The following KDM3B variants were observed in gnomAD, a reference collection of about 807,000 sequenced individuals.
KDM3B encodes the protein lysine demethylase 3B.
In KDM3B, 10 loss-of-function variants were observed where a neutral mutation model predicts 170.0. That is an observed-to-expected ratio of 0.06 (90% CI 0.04 to 0.10). KDM3B has a LOEUF of 0.10. KDM3B is among the 10% of genes least tolerant of loss of function. KDM3B has a pLI of 1.00. For synonymous variants in KDM3B, 831 were observed against 834.8 expected (o/e 1.00, Z 0.08); for missense variants, 1,394 against 2,195.2 (o/e 0.64, Z 7.29).
Position 138,420,586 on chromosome 5 carries a change from G to A in KDM3B, c.3716-120G>A. 3 of 1,074,656 alleles carry A rather than the reference G, an allele frequency of 2.8e-6. No individual in the cohort carries two copies. The South Asian group carries it at 4.3e-5, about 15-fold the overall frequency. 66.6% of individuals were successfully genotyped at this position (1,074,656 alleles called of 1,614,324 possible). ...ACCCAAACAAACCATACACAGTTTG[G>A]GGGGTGCAAGGGAAAGGAGAGAATC... On this transcript the variant is annotated intron_variant, in intron 14 of 23. Coordinates refer to ENST00000314358, the MANE Select transcript of KDM3B (RefSeq NM_016604.4).
At chr5:138,403,937 A>C (rs1426386585) in intron 11 of KDM3B, among the ~76,000 whole-genome samples, 1 of 152,022 alleles carries the variant, frequency 6.6e-6, no homozygotes, top group Non-Finnish European at 1.5e-5. Context: ...AAGATATATA[A>C]AAGCCCAAAT....
At chr5:138,377,654 C>T (rs565154621) in intron 3 of KDM3B, 66 bp from the exon 4 acceptor site, 1 of 1,142,100 alleles carries the variant, frequency 8.8e-7, no homozygotes, top group South Asian at 1.3e-5. Flanking sequence ...TATGATTTTT[C>T]TCAGCTGATT....
At chr5:138,414,376 A>G (rs12655771) in intron 11 of KDM3B, among the ~76,000 whole-genome samples, 2 of 151,834 alleles carry the variant, frequency 1.3e-5, no homozygotes, top group Non-Finnish European at 2.9e-5. Context: ...CGTATTAGCC[A>G]GGATGGTCTC....
intron 11 of KDM3B, among the ~76,000 whole-genome samples, chr5:138,401,096 C>T (rs1341233537): frequency 6.6e-6 from 1 of 151,962 alleles, no homozygotes; most frequent in Non-Finnish European, 1.5e-5. Flanking sequence ...TATGGTGAAA[C>T]CCTGTCTCTA....
intron 8 of KDM3B, among the ~76,000 whole-genome samples, 192 bp from the exon 9 acceptor site, chr5:138,392,979 C>T (rs1762470853): frequency 6.6e-6 from 1 of 152,208 alleles, no homozygotes; most frequent in African/African-American, 2.4e-5. Flanking sequence ...CTGCATGGTT[C>T]TTAGCTCCCA....
rs527487192 is a variant in KDM3B at position 138,419,469 on chromosome 5, A to G, written c.3715+237A>G. On this transcript the variant is annotated intron_variant, in intron 14 of 23. Coordinates refer to ENST00000314358, the MANE Select transcript of KDM3B (RefSeq NM_016604.4). Reference sequence around the variant, plus strand: ...GGAGATCAAGACCATCCTGGCTAACATGGTGAAACCCCGTCTCTACTAAAA... The same window carrying G: ...GGAGATCAAGACCATCCTGGCTAACGTGGTGAAACCCCGTCTCTACTAAAA... Among the ~76,000 whole-genome samples, 181 of 151,832 alleles carry G rather than the reference A, an allele frequency of 1.2e-3. 1 individual carries two copies. The highest frequency in any genetic ancestry group is 4.3e-3 in the African/African-American group (177 of 41,394).
At chr5:138,379,740 A>T (rs745567025) in intron 5 of KDM3B, 32 bp downstream of exon 5, 1 of 1,591,968 alleles carries the variant, frequency 6.3e-7, no homozygotes, top group Non-Finnish European at 8.6e-7. Flanking sequence ...TCTAAGGTCC[A>T]TCCATCCCCT....
chr5:138,414,262 T>C (rs1433174780), intron 11 of KDM3B, among the ~76,000 whole-genome samples: 2 of 152,146 alleles, frequency 1.3e-5, no homozygotes, highest in Non-Finnish European at 2.9e-5. Flanking sequence ...GCCTCCTGGG[T>C]TCACGCCATT....
In KDM3B at chr5:138,391,914, T is replaced by A. The variant is rs1762443124; in HGVS notation, c.2282T>A (p.Leu761His). The A allele has an allele frequency of 6.2e-7, 1 of 1,613,274 alleles. No homozygotes were observed. The highest frequency in any genetic ancestry group is 1.3e-5 in the African/African-American group (1 of 75,020). ...TVGPGQQDNP[L>H]LKTFSNVFGR... ...GGGCCTGGGCAGCAGGACAATCCCCTCCTCAAAACCTTTAGTAACGTCTTT... is the reference window on the plus strand; with the variant it reads ...GGGCCTGGGCAGCAGGACAATCCCCACCTCAAAACCTTTAGTAACGTCTTT... The change falls in exon 8 of 24, where the codon CTC becomes CAC. Residue 761 changes from leucine to histidine, a missense_variant. Leu to His is a moderately conservative substitution (Grantham distance 99). This residue lies in a region of KDM3B where 294 missense variants were observed against 311.7 expected (regional missense o/e 0.94). Transcript: ENST00000314358. This position sits in a 1 kb window ranked among gnomAD's most constrained non-coding sequence, Gnocchi z 5.0.
At chr5:138,419,789 C>G (rs1763224838) in intron 14 of KDM3B, among the ~76,000 whole-genome samples, 1 of 145,676 alleles carries the variant, frequency 6.9e-6, no homozygotes, top group African/African-American at 2.5e-5. Context: ...GACTACCTTT[C>G]AACTTCTTTC....
At chr5:138,414,174 A>T (rs554872135) in intron 11 of KDM3B, among the ~76,000 whole-genome samples, 2 of 150,272 alleles carry the variant, frequency 1.3e-5, no homozygotes, top group Admixed American at 6.6e-5. Context: ...ACTTATTATT[A>T]TTTTTTTTTG....
chr5:138,427,900 T>A (rs1763435794), intron 19 of KDM3B, 67 bp from the exon 20 acceptor site: 1 of 1,467,350 alleles, frequency 6.8e-7, no homozygotes, highest in Non-Finnish European at 9.4e-7. Context: ...TGTTTTCAGA[T>A]GTAGTGTCGA....
intron 14 of KDM3B, among the ~76,000 whole-genome samples, chr5:138,419,851 T>C (rs1763226070): frequency 6.6e-6 from 1 of 151,536 alleles, no homozygotes; most frequent in African/African-American, 2.4e-5. Flanking sequence ...ACCCTGGATC[T>C]CTAGTCAGAA....
At chr5:138,353,326 A>C (rs1380017576) in intron 1 of KDM3B, among the ~76,000 whole-genome samples, 1 of 152,202 alleles carries the variant, frequency 6.6e-6, no homozygotes, top group Non-Finnish European at 1.5e-5. Flanking sequence ...CGGGAGCCTC[A>C]GAGTTCGGCC....
chr5:138,427,372 A>G (rs116175949), intron 19 of KDM3B, 53 bp downstream of exon 19: 19 of 1,573,674 alleles, frequency 1.2e-5, no homozygotes, highest in Non-Finnish European at 1.7e-5. Context: ...TTCTTATTTC[A>G]ACTATAGAAG....
At chr5:138,365,823 A>G (rs895205840) in intron 1 of KDM3B, among the ~76,000 whole-genome samples, 13 of 151,248 alleles carry the variant, frequency 8.6e-5, no homozygotes, top group African/African-American at 3.2e-4. Context: ...ACATGGTGAA[A>G]CCCCGTCTCT....
At chr5:138,361,867 GT>G (rs1761618051) in intron 1 of KDM3B, among the ~76,000 whole-genome samples, 1 of 152,090 alleles carries the variant, frequency 6.6e-6, no homozygotes, top group African/African-American at 2.4e-5. Context: ...AGTTTTTCTT[GT>G]TATAGATATG....
At chr5:138,376,216 G>A (rs1761995549) in intron 3 of KDM3B, among the ~76,000 whole-genome samples, 1 of 151,882 alleles carries the variant, frequency 6.6e-6, no homozygotes, top group Non-Finnish European at 1.5e-5. Context: ...GGCCTCAAGT[G>A]ATCCACCTGC....
Position 138,387,000 on chromosome 5 carries a change from A to G in KDM3B, c.1380+379A>G, listed in dbSNP as rs541856084. On this transcript the variant is annotated intron_variant, in intron 7 of 23. Coordinates refer to ENST00000314358, the MANE Select transcript of KDM3B (RefSeq NM_016604.4). ...TACAGTATTGGTAATAGTGAATACT[A>G]TAATTAAGGCTATGTGTGCAAGCTA... Among the ~76,000 whole-genome samples the G allele has an allele frequency of 2.0e-5, 3 of 152,370 alleles. No individual in the cohort carries two copies. In the East Asian group the frequency reaches 5.8e-4, roughly 29 times the overall value.
Sources: gnomAD v4.1 joint callset for allele counts (sites outside exome capture counted in the v4.1 genomes callset) on GRCh38, gnomAD v4.1.1 for gene constraint, gnomAD v4.1.1 regional missense constraint, Gnocchi (gnomAD v3.1) non-coding constraint, MANE v1.5 for transcripts, NCBI Gene and HGNC (gene_info 2026-07-23, HGNC 2026-07-21) for gene names.